The following CEP85L variants were observed in gnomAD, a reference collection of about 807,000 sequenced individuals.
The protein encoded by CEP85L is centrosomal protein of 85 kDa-like.
A neutral mutation model predicts 100.3 loss-of-function variants in CEP85L; 60 were observed. The ratio of observed to expected loss-of-function variants is 0.60; its 90% CI spans 0.49 to 0.74. The LOEUF is 0.74. CEP85L is among the 30% of genes least tolerant of loss of function. The probability of loss-of-function intolerance (pLI) is 0.00; values close to 1 mark genes in which losing one functional copy is unlikely to be tolerated. For missense variants in CEP85L, 973 were observed against 936.2 expected, an observed-to-expected ratio of 1.04 and a Z score of -0.51; for synonymous variants, 319 against 322.7, an observed-to-expected ratio of 0.99 and a Z score of 0.12.
At chr6:118,515,058 G>A (rs1776193536) in intron 4 of CEP85L, among the ~76,000 whole-genome samples, 1 of 151,584 alleles carries the variant, frequency 6.6e-6, no homozygotes, top group Non-Finnish European at 1.5e-5. Context: ...TGATCTTCCC[G>A]CCTCAACTTC....
chr6:118,559,515 A>T, intron 3 of CEP85L: 1 of 207,002 alleles, frequency 4.8e-6, no homozygotes, highest in South Asian at 9.3e-5. Flanking sequence ...TCAGGTCTTC[A>T]CCAAGTATCA....
intron 3 of CEP85L, among the ~76,000 whole-genome samples, chr6:118,535,094 G>A (rs1777512617): frequency 6.6e-6 from 1 of 151,968 alleles, no homozygotes; most frequent in Non-Finnish European, 1.5e-5. Flanking sequence ...TAGAACCATA[G>A]GCAAATGTTT....
At chr6:118,588,683 A>G (rs1160598853) in intron 2 of CEP85L, among the ~76,000 whole-genome samples, 2 of 152,198 alleles carry the variant, frequency 1.3e-5, no homozygotes, top group Admixed American at 1.3e-4. Flanking sequence ...CATGTCTTAC[A>G]TTAACTCAAT....
At position 118,542,900 on chromosome 6, in the gene CEP85L, CAAAAAAAAA is replaced by C. The variant is rs71012391; in HGVS notation, c.1021-18989_1021-18981del. Among the ~76,000 whole-genome samples, 226 of 67,172 alleles carry C rather than the reference CAAAAAAAAA, an allele frequency of 3.4e-3. 3 individuals carry two copies. The highest frequency in any genetic ancestry group is 9.6e-3 in the African/African-American group (175 of 18,242). The allele number at this position is 67,172 out of a possible 152,430, so 44.1% of individuals were successfully genotyped here. ...GAACTTCAACATCACCAAGTTTTCCCAAAAAAAAAAAAAAAAAAAAAAACAGGATATTCA... is the reference window on the plus strand; with the variant it reads ...GAACTTCAACATCACCAAGTTTTCCCAAAAAAAAAAAAAACAGGATATTCA... On this transcript the variant is annotated intron_variant, in intron 3 of 12. Transcript: ENST00000368491.
In CEP85L at chr6:118,632,428, A is replaced by G. The variant is rs762992961; in HGVS notation, c.232+25T>C. The G allele has an allele frequency of 4.5e-6, 7 of 1,561,542 alleles. No homozygotes were observed. In the South Asian group the frequency reaches 8.6e-5, roughly 19 times the overall value. On this transcript the variant is annotated intron_variant, in intron 2 of 12. Transcript: ENST00000368491. The stretch of plus-strand genomic sequence containing the variant: ...ACAACCACTCTTCAAAGATTCATAT[A>G]TAAACAATAAGAATTTTAGCTCACC...
At chr6:118,601,795 G>A (rs1398363269) in intron 2 of CEP85L, among the ~76,000 whole-genome samples, 1 of 152,136 alleles carries the variant, frequency 6.6e-6, no homozygotes, top group East Asian at 1.9e-4. Flanking sequence ...GACGCTGGTG[G>A]GAGTGTCGCA....
chr6:118,561,055 A>C (rs549431405), intron 3 of CEP85L, among the ~76,000 whole-genome samples: 147 of 152,302 alleles, frequency 9.7e-4, no homozygotes, highest in African/African-American at 3.4e-3. Context: ...TCAATAGTGA[A>C]GGAGACACTA....
At chr6:118,505,996 T>C (rs1202353245) in intron 5 of CEP85L, among the ~76,000 whole-genome samples, 1 of 152,160 alleles carries the variant, frequency 6.6e-6, no homozygotes, top group Non-Finnish European at 1.5e-5. Flanking sequence ...ATATGGAGGA[T>C]ATGGGAGATC....
At chr6:118,481,516 A>G (rs1422076981) in intron 8 of CEP85L, among the ~76,000 whole-genome samples, 1 of 152,088 alleles carries the variant, frequency 6.6e-6, no homozygotes, top group East Asian at 1.9e-4. Context: ...CTCAAAGGAG[A>G]TGCCCATGGC....
intron 1 of CEP85L, among the ~76,000 whole-genome samples, chr6:118,664,154 C>T (rs1776062520): frequency 6.6e-6 from 1 of 152,044 alleles, no homozygotes; most frequent in South Asian, 2.1e-4. Context: ...CCTCAGCCTC[C>T]CAAAGTCCTG....
intron 1 of CEP85L, among the ~76,000 whole-genome samples, chr6:118,637,681 G>A (rs1774591973): frequency 1.1e-5 from 1 of 90,232 alleles, no homozygotes; most frequent in Non-Finnish European, 2.4e-5. Flanking sequence ...ACTCCAGCCT[G>A]GGTAATAAAG....
At chr6:118,475,365 T>G (rs1375489393) in intron 10 of CEP85L, among the ~76,000 whole-genome samples, 5 of 148,320 alleles carry the variant, frequency 3.4e-5, no homozygotes, top group African/African-American at 1.0e-4. Flanking sequence ...TTTTTTTTTT[T>G]TTTTTTTGAG....
chr6:118,563,166 G>A (rs945421988), intron 3 of CEP85L, among the ~76,000 whole-genome samples: 3 of 152,114 alleles, frequency 2.0e-5, no homozygotes, highest in Non-Finnish European at 4.4e-5. Context: ...AACCATCTGA[G>A]GGCATAATGG....
intron 1 of CEP85L, among the ~76,000 whole-genome samples, chr6:118,657,932 A>C (rs1463059145): frequency 6.6e-6 from 1 of 152,224 alleles, no homozygotes; most frequent in Non-Finnish European, 1.5e-5. Flanking sequence ...GGGTACTAGA[A>C]GAGAATTCAA....
At chr6:118,487,737 T>C (rs970077292) in intron 6 of CEP85L, among the ~76,000 whole-genome samples, 12 of 152,200 alleles carry the variant, frequency 7.9e-5, no homozygotes, top group African/African-American at 2.4e-4. Context: ...ATGACACTCT[T>C]GCTGCCTGGG....
intron 2 of CEP85L, among the ~76,000 whole-genome samples, chr6:118,609,204 AAC>A (rs1370594282): frequency 1.3e-5 from 2 of 152,234 alleles, no homozygotes; most frequent in Non-Finnish European, 2.9e-5. Context: ...AAGAACATAG[AAC>A]ACATTAATAA....
chr6:118,563,953 C>T lies in CEP85L; in HGVS notation c.1020+1576G>A, dbSNP rs191265735. Among the ~76,000 whole-genome samples, 76 of 152,238 alleles carry T rather than the reference C, an allele frequency of 5.0e-4. 1 individual carries two copies. The highest frequency in any genetic ancestry group is 1.7e-3 in the African/African-American group (71 of 41,532). ...TTCTTTACCTGAATTCATCTTTCTACTCCAAAACTTAAAAGCGCTATAAAG... is the reference window on the plus strand; with the variant it reads ...TTCTTTACCTGAATTCATCTTTCTATTCCAAAACTTAAAAGCGCTATAAAG... On this transcript the variant is annotated intron_variant, in intron 3 of 12. Coordinates refer to ENST00000368491, the MANE Select transcript of CEP85L (RefSeq NM_001042475.3).
At chr6:118,637,000 TG>T (rs1774532345) in intron 1 of CEP85L, among the ~76,000 whole-genome samples, 1 of 152,204 alleles carries the variant, frequency 6.6e-6, no homozygotes, top group African/African-American at 2.4e-5. Context: ...CCTACAGATA[TG>T]AAAAAGTGGG....
intron 1 of CEP85L, among the ~76,000 whole-genome samples, chr6:118,688,490 C>G (rs1407894308): frequency 6.6e-6 from 1 of 152,222 alleles, no homozygotes; most frequent in African/African-American, 2.4e-5. Context: ...TGGACCTCTT[C>G]TTACAGTTCT....
Sources: gnomAD v4.1 joint callset for allele counts (sites outside exome capture counted in the v4.1 genomes callset) on GRCh38, gnomAD v4.1.1 for gene constraint, MANE v1.5 for transcripts, NCBI Gene and HGNC (gene_info 2026-07-23, HGNC 2026-07-21) for gene names.